DET1: variants seen among roughly 807,000 people sequenced by gnomAD.
DET1 encodes the protein DET1 homolog.
In DET1, 22 loss-of-function variants were observed where a neutral mutation model predicts 43.7. The ratio of observed to expected loss-of-function variants is 0.50; its 90% CI spans 0.36 to 0.72. The LOEUF (loss-of-function observed/expected upper bound fraction) is 0.72, where lower values mean the gene tolerates loss of function less well. Ranked by LOEUF, DET1 falls within the 30% of genes least tolerant of loss-of-function variation. The probability of loss-of-function intolerance (pLI) is 0.00; values close to 1 mark genes in which losing one functional copy is unlikely to be tolerated. For synonymous variants in DET1, 315 were observed against 266.2 expected, an observed-to-expected ratio of 1.18 and a Z score of -1.79; for missense variants, 713 against 713.3, an observed-to-expected ratio of 1.00 and a Z score of 0.00.
chr15:88,529,801 CTGAAG>C (rs2056764775), intron 2 of DET1, among the ~76,000 whole-genome samples: 1 of 152,242 alleles, frequency 6.6e-6, no homozygotes, highest in Non-Finnish European at 1.5e-5. Flanking sequence ...TTGGTCAACA[CTGAAG>C]TGGAGAGGTT....
At chr15:88,546,691 C>A (rs1050880002), upstream of DET1, 1 of 152,124 alleles carries the variant, frequency 6.6e-6, no homozygotes, top group Non-Finnish European at 1.5e-5. Context: ...TGCGGCCCAG[C>A]AAAAAGGGAA....
chr15:88,539,097 CT>C (rs1236728318), intron 1 of DET1, among the ~76,000 whole-genome samples: 7 of 13,632 alleles, frequency 5.1e-4, no homozygotes, highest in African/African-American at 4.4e-3. Flanking sequence ...GCAGACCGCT[CT>C]CTCTCTCTCT....
chr15:88,509,035 C>A (rs1440912858), downstream of DET1, among the ~76,000 whole-genome samples: 7 of 152,110 alleles, frequency 4.6e-5, no homozygotes. Context: ...CCATTTGCTG[C>A]AATAGGAGGT....
intron 3 of DET1, among the ~76,000 whole-genome samples, chr15:88,526,890 C>T (rs1374340323): frequency 6.6e-6 from 1 of 152,164 alleles, no homozygotes; most frequent in Non-Finnish European, 1.5e-5. Flanking sequence ...TACCAATCCT[C>T]CTCATTTCAG....
At chr15:88,524,893 TCCTATGA>T (rs1286845943) in intron 3 of DET1, among the ~76,000 whole-genome samples, 1 of 152,064 alleles carries the variant, frequency 6.6e-6, no homozygotes, top group Non-Finnish European at 1.5e-5. Flanking sequence ...TCCACTATTG[TCCTATGA>T]CCCTGCCAAA....
rs2056820989 is a variant in DET1, at chr15:88,531,714, C to T, written c.-9G>A. 1 of 1,591,918 alleles carries T rather than the reference C, an allele frequency of 6.3e-7. No homozygotes were observed. Among genetic ancestry groups the T allele is most frequent in the Non-Finnish European group, 8.6e-7 (1 of 1,165,396 alleles). Reference sequence around the variant, plus strand: ...GAAACATGATGATCCATTATCACATCTCTAAACAGAAAAGTAAAGCAGAAG... The same window carrying T: ...GAAACATGATGATCCATTATCACATTTCTAAACAGAAAAGTAAAGCAGAAG... On this transcript the variant is annotated splice_region_variant and 5_prime_UTR_variant, in exon 2 of 5. Coordinates refer to ENST00000268148, the MANE Select transcript of DET1 (RefSeq NM_001144074.3). The surrounding 1 kb of genome is among the most constrained non-coding windows in gnomAD (Gnocchi z 6.2).
At chr15:88,506,498 C>G (rs1378371508) in intron 7 of DET1, among the ~76,000 whole-genome samples, 1 of 151,108 alleles carries the variant, frequency 6.6e-6, no homozygotes, top group Non-Finnish European at 1.5e-5. Flanking sequence ...ATGCTGTAAA[C>G]AAAATTGCCC....
chr15:88,508,643 C>T (rs1314555838), downstream of DET1, among the ~76,000 whole-genome samples: 2 of 152,182 alleles, frequency 1.3e-5, no homozygotes, highest in Non-Finnish European at 2.9e-5. Context: ...GAGGTGACCA[C>T]TGTATTGGCA....
chr15:88,512,828 A>G lies in DET1; in HGVS notation c.*123T>C, dbSNP rs184099925. 7.5e-6 allele frequency: 11 copies of G among 1,465,890 alleles called. No individual in the cohort carries two copies. In the East Asian group the frequency reaches 2.6e-4, roughly 35 times the overall value. The allele number at this position is 1,465,890 out of a possible 1,614,324, so 90.8% of individuals were successfully genotyped here. A position where few individuals can be genotyped will look rare whatever the true frequency, so the allele number is the denominator to read the frequency against. On this transcript the variant is annotated 3_prime_UTR_variant, in exon 5 of 5. Transcript: ENST00000268148. ...TCACTCCTCTCTCTGGCTCTCTCCC[A>G]TCTGAGGTATAGCAGGCTGGAACTA...
At chr15:88,524,132 C>A (rs1419722653) in intron 3 of DET1, among the ~76,000 whole-genome samples, 1 of 151,946 alleles carries the variant, frequency 6.6e-6, no homozygotes, top group Non-Finnish European at 1.5e-5. Context: ...CCGGCCGCCC[C>A]GTCGGGGATG....
chr15:88,511,359 C>T (rs1178588188), downstream of DET1: 1 of 966,248 alleles, frequency 1.0e-6, no homozygotes, highest in Non-Finnish European at 1.2e-6. Flanking sequence ...AATATCCCCT[C>T]AGTCTACCTG....
intron 3 of DET1, among the ~76,000 whole-genome samples, chr15:88,524,899 G>A (rs980858524): frequency 1.3e-5 from 2 of 151,568 alleles, no homozygotes; most frequent in African/African-American, 2.4e-5. Flanking sequence ...ATTGTCCTAT[G>A]ACCCTGCCAA....
At chr15:88,517,050 A>G in intron 3 of DET1, 77 bp from the exon 4 acceptor site, 7 of 1,071,656 alleles carry the variant, frequency 6.5e-6, no homozygotes, top group Non-Finnish European at 9.3e-6. Context: ...TGACAAATAT[A>G]TGTCTAAGAA....
chr15:88,523,046 C>G (rs1279427089), intron 3 of DET1, among the ~76,000 whole-genome samples: 1 of 151,846 alleles, frequency 6.6e-6, no homozygotes, highest in Non-Finnish European at 1.5e-5. Flanking sequence ...CCACACCCAG[C>G]TAATTTTTTT....
At chr15:88,532,284 C>G (rs1304430402) in intron 1 of DET1, among the ~76,000 whole-genome samples, 1 of 147,258 alleles carries the variant, frequency 6.8e-6, no homozygotes, top group Non-Finnish European at 1.5e-5. Flanking sequence ...GCCTGGGCAA[C>G]AGAGTGAGAC....
chr15:88,518,212 G>A (rs1046131529), intron 3 of DET1, among the ~76,000 whole-genome samples: 2 of 151,842 alleles, frequency 1.3e-5, no homozygotes, highest in African/African-American at 4.8e-5. Context: ...AAAGTGCTGG[G>A]ATTACAGGCA....
chr15:88,535,779 A>AAAGG (rs200582421), intron 1 of DET1, among the ~76,000 whole-genome samples: 10,312 of 151,228 alleles, frequency 0.068, 1,219 homozygotes, highest in African/African-American at 0.24. Context: ...AGAAAGAAAG[A>AAAGG]AAGGAAGGAA....
intron 4 of DET1, among the ~76,000 whole-genome samples, chr15:88,513,531 T>C (rs1310861999): frequency 6.7e-6 from 1 of 150,210 alleles, no homozygotes; most frequent in Non-Finnish European, 1.5e-5. Flanking sequence ...AAAATAAAAA[T>C]AAAAAGGGGA....
chr15:88,519,388 C>G (rs1225925751), intron 3 of DET1, among the ~76,000 whole-genome samples: 2 of 152,296 alleles, frequency 1.3e-5, no homozygotes, highest in Non-Finnish European at 2.9e-5. Flanking sequence ...TTGACCTCCT[C>G]TCAACCTCAA....
Sources: gnomAD v4.1 joint callset for allele counts (sites outside exome capture counted in the v4.1 genomes callset) on GRCh38, gnomAD v4.1.1 for gene constraint, Gnocchi (gnomAD v3.1) non-coding constraint, MANE v1.5 for transcripts, NCBI Gene and HGNC (gene_info 2026-07-23, HGNC 2026-07-21) for gene names.